BLZF1: variants seen among roughly 807,000 people sequenced by gnomAD.
BLZF1 encodes the protein golgin-45.
A neutral mutation model predicts 43.8 loss-of-function variants in BLZF1; 39 were observed. The observed-to-expected ratio is 0.89, with a 90% CI of 0.69 to 1.16. The LOEUF (loss-of-function observed/expected upper bound fraction) is 1.16. BLZF1 is among the 50% of genes most tolerant of loss of function. BLZF1 has a pLI of 0.00. For missense variants in BLZF1, 449 were observed against 469.8 expected (o/e 0.96, Z 0.41); for synonymous variants, 136 against 159.4 (o/e 0.85, Z 1.11).
At chr1:169,383,618 T>C (rs1654587465) in intron 6 of BLZF1, among the ~76,000 whole-genome samples, 1 of 152,196 alleles carries the variant, frequency 6.6e-6, no homozygotes, top group Non-Finnish European at 1.5e-5. Flanking sequence ...CATGAACATT[T>C]ACTATCATAT....
chr1:169,395,057 T>C, intron 7 of BLZF1: 1 of 1,591,216 alleles, frequency 6.3e-7, no homozygotes, highest in South Asian at 1.2e-5. Flanking sequence ...TCAGTTATAA[T>C]GATCAGTAAA....
chr1:169,378,807 G>A (rs941838286), intron 4 of BLZF1, among the ~76,000 whole-genome samples: 9 of 151,878 alleles, frequency 5.9e-5, no homozygotes, highest in African/African-American at 1.2e-4. Context: ...CAGACATCTA[G>A]TAAACATTAA....
At chr1:169,379,793 A>G (rs781377270) in intron 4 of BLZF1, among the ~76,000 whole-genome samples, 8 of 152,116 alleles carry the variant, frequency 5.3e-5, no homozygotes, top group Admixed American at 2.0e-4. Flanking sequence ...AATCAGTAGA[A>G]AACATGAAGC....
chr1:169,382,281 G>A lies in BLZF1; in HGVS notation c.1017G>A (p.Thr339=), dbSNP rs759375514. Residue 339 remains threonine, a splice_region_variant and synonymous_variant, in exon 6 of 7, where the codon ACG becomes ACA. Transcript: ENST00000367808. ...CCCCAGCTGAGAAAATGGCTGAAAC[G>A]GTAAAATATTTTCTTTTGTGATCTA... is the stretch of plus-strand genomic sequence containing the variant. ...CSTPAEKMAE[T]VLRILDPVTC... The A allele has an allele frequency of 2.4e-5, 38 of 1,611,390 alleles. No homozygotes were observed. Among genetic ancestry groups the A allele is most frequent in the Admixed American group, 3.3e-5 (2 of 59,786 alleles).
intron 4 of BLZF1, among the ~76,000 whole-genome samples, chr1:169,379,272 A>T (rs556008373): frequency 6.6e-6 from 1 of 152,178 alleles, no homozygotes; most frequent in African/African-American, 2.4e-5. Context: ...TACAGGTTGT[A>T]TTTGAGGAAC....
At chr1:169,377,209 G>A in intron 3 of BLZF1, 1 of 488,418 alleles carries the variant, frequency 2.0e-6, no homozygotes, top group Non-Finnish European at 3.6e-6. Context: ...GAGGTGCTTT[G>A]GACAAGACCA....
chr1:169,393,275 A>G (rs989685375), downstream of BLZF1, among the ~76,000 whole-genome samples: 4 of 152,070 alleles, frequency 2.6e-5, no homozygotes, highest in East Asian at 3.9e-4. Flanking sequence ...CTCACGCCAT[A>G]TATAAAAATT....
chr1:169,389,441 A>C (rs1654763938), downstream of BLZF1, among the ~76,000 whole-genome samples: 1 of 152,220 alleles, frequency 6.6e-6, no homozygotes, highest in Non-Finnish European at 1.5e-5. Flanking sequence ...CTTCACATCC[A>C]TTAGGATGGC....
rs1654714698 is a variant in BLZF1, at chr1:169,387,689, A to G, written c.*507A>G. 6.6e-6 allele frequency: 1 copy of G among 152,320 alleles called. No homozygotes were observed. Among genetic ancestry groups the G allele is most frequent in the African/African-American group, 2.4e-5 (1 of 41,450 alleles). 9.4% of individuals were successfully genotyped at this position (152,320 alleles called of 1,614,324 possible). On this transcript the variant is annotated 3_prime_UTR_variant, in exon 7 of 7. Coordinates refer to ENST00000367808, the MANE Select transcript of BLZF1 (RefSeq NM_001320973.2). ...AAAAGTTTTCTGACCTCAATTCTAA[A>G]GTAATTGTAGTAGGGAGCTGGAGGA...
chr1:169,371,712 C>G (rs1436582938), intron 2 of BLZF1, among the ~76,000 whole-genome samples: 1 of 152,122 alleles, frequency 6.6e-6, no homozygotes, highest in African/African-American at 2.4e-5. Flanking sequence ...GGGAAACATA[C>G]AGTAAATAGT....
rs1654726921 is a variant in BLZF1, at chr1:169,388,220, A to C, written c.*1038A>C. ...AAGACAAACCTGGTCAAATAATAAT[A>C]ATTTTAATGTCAATGATTTTTTTTG... On this transcript the variant is annotated 3_prime_UTR_variant, in exon 7 of 7. Transcript: ENST00000367808. 6.6e-6 allele frequency: 1 copy of C among 152,186 alleles called. No homozygotes were observed. Among genetic ancestry groups the C allele is most frequent in the African/African-American group, 2.4e-5 (1 of 41,454 alleles). The allele number at this position is 152,186 out of a possible 1,614,324, so 9.4% of individuals were successfully genotyped here. A position where few individuals can be genotyped will look rare whatever the true frequency, so the allele number is the denominator to read the frequency against.
chr1:169,381,136 G>A (rs765446607), intron 5 of BLZF1, among the ~76,000 whole-genome samples: 11 of 151,640 alleles, frequency 7.3e-5, no homozygotes, highest in Non-Finnish European at 1.2e-4. Context: ...CACAAGAAAC[G>A]TCTAACCAGT....
chr1:169,385,462 G>C (rs1204201062), intron 6 of BLZF1, among the ~76,000 whole-genome samples: 2 of 152,250 alleles, frequency 1.3e-5, no homozygotes, highest in East Asian at 3.9e-4. Context: ...TCACTTTCAG[G>C]CTAAAATACA....
chr1:169,384,240 C>T (rs1341278394), intron 6 of BLZF1, among the ~76,000 whole-genome samples: 1 of 152,036 alleles, frequency 6.6e-6, no homozygotes, highest in African/African-American at 2.4e-5. Flanking sequence ...TAAATGGTAG[C>T]TATCGTTTTT....
At chr1:169,371,592 A>G (rs1176495041) in intron 2 of BLZF1, among the ~76,000 whole-genome samples, 4 of 152,182 alleles carry the variant, frequency 2.6e-5, no homozygotes, top group African/African-American at 9.7e-5. Flanking sequence ...CTGCCTCAGG[A>G]GATAAGTACG....
At chr1:169,394,868 C>T in intron 7 of BLZF1, 1 of 492,142 alleles carries the variant, frequency 2.0e-6, no homozygotes, top group East Asian at 3.3e-5. Context: ...TGGCACAACA[C>T]ATTACAACAC....
intron 2 of BLZF1, among the ~76,000 whole-genome samples, chr1:169,371,482 A>G (rs915619267): frequency 2.0e-5 from 3 of 152,190 alleles, no homozygotes; most frequent in African/African-American, 7.2e-5. Flanking sequence ...TTTCTATTTA[A>G]TCTGTCATCT....
intron 6 of BLZF1, among the ~76,000 whole-genome samples, chr1:169,383,475 T>C (rs1654583379): frequency 6.6e-6 from 1 of 152,184 alleles, no homozygotes. Context: ...CACCTTCCTT[T>C]CACATCCAAG....
intron 5 of BLZF1, 84 bp downstream of exon 5, chr1:169,380,693 T>C: frequency 1.3e-6 from 2 of 1,531,134 alleles, no homozygotes; most frequent in South Asian, 1.2e-5. Flanking sequence ...TGTTTGTTTG[T>C]TTTTGTTTTG....
Sources: allele counts gnomAD v4.1 joint callset (sites outside exome capture counted in the v4.1 genomes callset), GRCh38; gene constraint gnomAD v4.1.1; transcripts MANE v1.5; gene names NCBI Gene and HGNC (gene_info 2026-07-23, HGNC 2026-07-21).